LYRM9: variants seen among roughly 807,000 people sequenced by gnomAD.
The protein encoded by LYRM9 is LYR motif containing 9, also known as LYR motif-containing protein 9.
In LYRM9, 14 loss-of-function variants were observed where a neutral mutation model predicts 12.6. The observed-to-expected ratio is 1.11, with a 90% CI of 0.73 to 1.73. LYRM9 has a LOEUF of 1.73. Ranked by LOEUF, LYRM9 falls within the 40% of genes most tolerant of loss-of-function variation. The probability of loss-of-function intolerance (pLI) is 0.00; values close to 1 mark genes in which losing one functional copy is unlikely to be tolerated. For synonymous variants in LYRM9, 42 were observed against 35.1 expected (o/e 1.20, Z -0.69); for missense variants, 94 against 95.0 (o/e 0.99, Z 0.04).
Position 27,882,635 on chromosome 17 carries a change from C to A in LYRM9, c.60G>T (p.Leu20Phe), listed in dbSNP as rs767088779. The change falls in exon 2 of 4, where the codon TTG (leucine) becomes TTT (phenylalanine). Residue 20 changes from leucine to phenylalanine, a missense_variant. By Grantham distance (22) the Leu-to-Phe change is conservative (BLOSUM62 0). Transcript: ENST00000379102. ...VRRPLQLYRY[L>F]LRCCQQLPTK... ...TCGGCAGCTGCTGGCAACAGCGCAG[C>A]AAGTATCGGTAGAGCTGCAGTGGCC... The A allele has an allele frequency of 1.4e-5, 23 of 1,602,098 alleles. No homozygotes were observed. The Admixed American group carries it at 3.9e-4, about 27-fold the overall frequency.
At chr17:27,882,230 A>G (rs550989198) in intron 2 of LYRM9, among the ~76,000 whole-genome samples, 16 of 152,246 alleles carry the variant, frequency 1.1e-4, no homozygotes, top group Non-Finnish European at 1.5e-4. Context: ...TGGCCTCTCG[A>G]TTTGGTTTTA....
intron 3 of LYRM9, chr17:27,879,909 G>A: frequency 1.7e-6 from 1 of 592,702 alleles, no homozygotes. Flanking sequence ...ATACCCCCCA[G>A]AGACAGGGAG....
At chr17:27,891,219 C>T (rs993075467) in intron 1 of LYRM9, among the ~76,000 whole-genome samples, 3 of 152,176 alleles carry the variant, frequency 2.0e-5, no homozygotes, top group East Asian at 1.9e-4. Flanking sequence ...TCAGTCTCCC[C>T]TCCTGCTGTC....
Position 27,879,271 on chromosome 17 carries a change from A to T in LYRM9, c.*202T>A. On this transcript the variant is annotated 3_prime_UTR_variant, in exon 4 of 4. Coordinates refer to ENST00000379102, the MANE Select transcript of LYRM9 (RefSeq NM_001076680.3). ...ACATTCTCCCCAAATTTCACATCGT[A>T]AGTGGCTGGAAGTGCAAACATAAAG... The T allele has an allele frequency of 2.2e-6, 1 of 448,092 alleles. No individual in the cohort carries two copies. Among genetic ancestry groups the T allele is most frequent in the South Asian group, 5.5e-5 (1 of 18,122 alleles). The allele number at this position is 448,092 out of a possible 1,614,324, so 27.8% of individuals were successfully genotyped here. A position where few individuals can be genotyped will look rare whatever the true frequency, so the allele number is the denominator to read the frequency against.
Position 27,879,480 on chromosome 17 carries a change from T to C in LYRM9, c.230A>G (p.Gln77Arg). 1 of 1,552,086 alleles carries C rather than the reference T, an allele frequency of 6.4e-7. No individual in the cohort carries two copies. ...ADWIMNKYKK[Q>R]N ...GGCTCACCCTCGGAGCTCTCAGTTT[T>C]GTTTTTTATACTGCAAGACAGAGAG... The change falls in exon 4 of 4, where the codon CAA becomes CGA. Residue 77 changes from glutamine (Q) to arginine (R), a missense_variant. Coordinates refer to ENST00000379102, the MANE Select transcript of LYRM9 (RefSeq NM_001076680.3).
Position 27,886,640 on chromosome 17 carries a change from CTTTTCTTTTT to C in LYRM9, c.-18-3938_-18-3929del, listed in dbSNP as rs1905240326. ...CCCATGCCACTGGTTTCTTTCTTTT[CTTTTCTTTTT>C]TTATTTTTTTTTTTTTGAGACAGAG... On this transcript the variant is annotated intron_variant, in intron 1 of 3. Transcript: ENST00000379102. The surrounding 1 kb of genome is among the most constrained non-coding windows in gnomAD (Gnocchi z 4.8). 8.4e-6 allele frequency among the ~76,000 whole-genome samples: 1 copy of C among 119,694 alleles called. No homozygotes were observed. The highest frequency in any genetic ancestry group is 1.6e-5 in the Non-Finnish European group (1 of 60,612). 78.5% of individuals were successfully genotyped at this position (119,694 alleles called of 152,430 possible).
chr17:27,883,337 CAGCGTGG>C (rs200298456), intron 1 of LYRM9: 4,796 of 213,116 alleles, frequency 0.023, 88 homozygotes, highest in Non-Finnish European at 0.031. Flanking sequence ...AGAGTCACCA[CAGCGTGG>C]GCACGTGATT....
intron 1 of LYRM9, among the ~76,000 whole-genome samples, chr17:27,890,090 G>A (rs911644168): frequency 1.4e-4 from 21 of 152,198 alleles, no homozygotes; most frequent in African/African-American, 5.1e-4. Context: ...AGAGCAACAA[G>A]GCTAGTATAG....
At chr17:27,883,835 TAAAAAAAAAAAAAA>T (rs781375467) in intron 1 of LYRM9, among the ~76,000 whole-genome samples, 391 of 24,580 alleles carry the variant, frequency 0.016, 4 homozygotes, top group Middle Eastern at 0.05. Flanking sequence ...AGCCTTTTTC[TAAAAAAAAAAAAAA>T]AAAAAAAAAA....
In LYRM9 at chr17:27,882,635, C is replaced by CA. The variant is rs763375237; in HGVS notation, c.59dup (p.Leu20PhefsTer31). 6.2e-7 allele frequency: 1 copy of CA among 1,602,220 alleles called. No homozygotes were observed. Among genetic ancestry groups the CA allele is most frequent in the South Asian group, 1.1e-5 (1 of 88,616 alleles). ...TCGGCAGCTGCTGGCAACAGCGCAG[C>CA]AAGTATCGGTAGAGCTGCAGTGGCC... is the stretch of plus-strand genomic sequence containing the variant. On this transcript the variant is annotated frameshift_variant, in exon 2 of 4. Transcript: ENST00000379102. LOFTEE classifies it high-confidence loss of function.
At chr17:27,887,773 A>G (rs1406863331) in intron 1 of LYRM9, among the ~76,000 whole-genome samples, 1 of 151,594 alleles carries the variant, frequency 6.6e-6, no homozygotes, top group African/African-American at 2.4e-5. Context: ...AGAGAGACAG[A>G]GGTTTATTAC....
At chr17:27,879,920 T>A in intron 3 of LYRM9, 1 of 591,840 alleles carries the variant, frequency 1.7e-6, no homozygotes. Context: ...AGACAGGGAG[T>A]CCCCCGCCAG....
intron 1 of LYRM9, among the ~76,000 whole-genome samples, chr17:27,887,715 T>TGTGTGTGTGG (rs1905278560): frequency 3.3e-5 from 1 of 30,258 alleles, no homozygotes. Flanking sequence ...GGAGGGAGGG[T>TGTGTGTGTGG]GTGTGTGTGT....
At chr17:27,880,721 C>T (rs1905022438) in intron 2 of LYRM9, 1 of 296,628 alleles carries the variant, frequency 3.4e-6, no homozygotes, top group Non-Finnish European at 6.4e-6. Flanking sequence ...GAAGACGCTG[C>T]TTTCCCCAGG....
Position 27,882,617 on chromosome 17 carries a change from C to T in LYRM9, c.78G>A (p.Gln26=), listed in dbSNP as rs1226275968. 1 of 1,598,226 alleles carries T rather than the reference C, an allele frequency of 6.3e-7. No individual in the cohort carries two copies. The highest frequency in any genetic ancestry group is 8.5e-7 in the Non-Finnish European group (1 of 1,173,264). ...GCTGCTGGATGCCCTTGGTCGGCAG[C>T]TGCTGGCAACAGCGCAGCAAGTATC... ...LYRYLLRCCQ[Q]LPTKGIQQHY... Residue 26 remains glutamine (Q), a synonymous_variant, in exon 2 of 4, where the codon CAG becomes CAA. Coordinates refer to ENST00000379102, the MANE Select transcript of LYRM9 (RefSeq NM_001076680.3).
chr17:27,889,791 T>C (rs564015270), intron 1 of LYRM9, among the ~76,000 whole-genome samples: 57 of 152,256 alleles, frequency 3.7e-4, no homozygotes, highest in Non-Finnish European at 2.9e-5. Flanking sequence ...CCCTATATAC[T>C]GTAAGCATCA....
chr17:27,887,974 AT>A (rs1905294270), intron 1 of LYRM9, among the ~76,000 whole-genome samples: 1 of 152,136 alleles, frequency 6.6e-6, no homozygotes. Flanking sequence ...CCTTCAATGG[AT>A]TGGAAAAGGC....
chr17:27,889,190 C>T (rs1280532541), intron 1 of LYRM9, among the ~76,000 whole-genome samples: 1 of 152,240 alleles, frequency 6.6e-6, no homozygotes, highest in Non-Finnish European at 1.5e-5. Context: ...GGCCCTGTCA[C>T]CTCCTTTGAC....
intron 1 of LYRM9, 69 bp from the exon 2 acceptor site, chr17:27,882,781 C>T: frequency 6.8e-7 from 1 of 1,466,766 alleles, no homozygotes; most frequent in East Asian, 2.5e-5. Context: ...ACCCCCAGTT[C>T]CCAGTACTCT....
Sources: allele counts gnomAD v4.1 joint callset (sites outside exome capture counted in the v4.1 genomes callset), GRCh38; gene constraint gnomAD v4.1.1; non-coding constraint Gnocchi (gnomAD v3.1); transcripts MANE v1.5; gene names NCBI Gene and HGNC (gene_info 2026-07-23, HGNC 2026-07-21).